The following PDE2A variants were observed in gnomAD, a reference collection of about 807,000 sequenced individuals.
PDE2A encodes phosphodiesterase 2A, also known as cGMP-dependent 3',5'-cyclic phosphodiesterase.
In PDE2A, 53 loss-of-function variants were observed where a neutral mutation model predicts 133.6. The observed-to-expected ratio is 0.40, with a 90% CI of 0.32 to 0.50. The LOEUF is 0.50. Ranked by LOEUF, PDE2A falls within the 20% of genes least tolerant of loss-of-function variation. The probability of loss-of-function intolerance (pLI) is 0.73; values close to 1 mark genes in which losing one functional copy is unlikely to be tolerated. For synonymous variants in PDE2A, 491 were observed against 490.2 expected, an observed-to-expected ratio of 1.00 and a Z score of -0.02; for missense variants, 796 against 1,232.4, an observed-to-expected ratio of 0.65 and a Z score of 5.30.
At chr11:72,626,429 C>T (rs1279796500) in intron 2 of PDE2A, among the ~76,000 whole-genome samples, 1 of 152,124 alleles carries the variant, frequency 6.6e-6, no homozygotes, top group Non-Finnish European at 1.5e-5. Flanking sequence ...GCAGCCACTC[C>T]CTTGGGGCCA....
At chr11:72,612,039 G>C (rs1424584321) in intron 2 of PDE2A, among the ~76,000 whole-genome samples, 1 of 152,154 alleles carries the variant, frequency 6.6e-6, no homozygotes, top group East Asian at 1.9e-4. Context: ...CAGATGGGGA[G>C]CAAGGCTCAA....
In PDE2A at chr11:72,577,489, G is replaced by A. The variant is rs1387811195; in HGVS notation, c.2721C>T (p.Leu907=). ...GGAAGTCCAGCGAGTTGTTACTTGG[G>A]AGGCCGCGGATGGTGAACTTGTGGG... The part of the protein sequence containing the change: ...KVSHKFTIRG[L]PSNNSLDFLD... The change falls in exon 31 of 31, where the codon CTC becomes CTT. Residue 907 remains leucine, a synonymous_variant. Coordinates refer to ENST00000334456, the MANE Select transcript of PDE2A (RefSeq NM_002599.5). 2.5e-6 allele frequency: 4 copies of A among 1,613,772 alleles called. No individual in the cohort carries two copies. The highest frequency in any genetic ancestry group is 2.2e-5 in the East Asian group (1 of 44,896).
chr11:72,662,256 C>T (rs936923606), intron 1 of PDE2A, among the ~76,000 whole-genome samples: 1 of 152,106 alleles, frequency 6.6e-6, no homozygotes, highest in African/African-American at 2.4e-5. Flanking sequence ...CTAATTAGCA[C>T]TGAAAATGAG....
intron 1 of PDE2A, among the ~76,000 whole-genome samples, chr11:72,650,768 C>T (rs1016773667): frequency 5.3e-5 from 8 of 152,110 alleles, no homozygotes; most frequent in African/African-American, 1.9e-4. Flanking sequence ...CAGACAGCTG[C>T]AGCCCTGAGG....
rs755383347 is a variant in PDE2A, at chr11:72,589,710, G to A, written c.873+41C>T. 2.5e-6 allele frequency: 4 copies of A among 1,596,190 alleles called. No homozygotes were observed. In the South Asian group the frequency reaches 3.3e-5, roughly 13 times the overall value. The stretch of plus-strand genomic sequence containing the variant: ...CAGGAGTGTCTACCCGGCCTCAACC[G>A]CCCCTGCAGACTCCAACGAGAAGAC... On this transcript the variant is annotated intron_variant, in intron 11 of 30. Coordinates refer to ENST00000334456, the MANE Select transcript of PDE2A (RefSeq NM_002599.5).
intron 6 of PDE2A, among the ~76,000 whole-genome samples, chr11:72,595,871 C>T (rs202075156): frequency 2.7e-4 from 41 of 152,280 alleles, no homozygotes; most frequent in East Asian, 1.7e-3. Context: ...ATCCCCTCCA[C>T]GGAGCAGAAA....
At chr11:72,608,849 A>G in intron 2 of PDE2A, 98 bp from the exon 3 acceptor site, 1 of 684,874 alleles carries the variant, frequency 1.5e-6, no homozygotes. Flanking sequence ...AGCTTAGTCC[A>G]GAGCCCGAGT....
chr11:72,588,697 G>A, intron 13 of PDE2A, 87 bp downstream of exon 13: 11 of 1,349,802 alleles, frequency 8.1e-6, no homozygotes, highest in Non-Finnish European at 1.1e-5. Flanking sequence ...CCCCTGCCCA[G>A]TACCCATCCC....
At chr11:72,598,414 A>C (rs977436887) in intron 4 of PDE2A, 3 of 894,352 alleles carry the variant, frequency 3.4e-6, no homozygotes, top group Non-Finnish European at 4.7e-6. Context: ...AAGGCAGGGG[A>C]GGTTGGTATG....
intron 2 of PDE2A, among the ~76,000 whole-genome samples, chr11:72,613,444 C>T (rs1330302430): frequency 6.6e-6 from 1 of 151,868 alleles, no homozygotes; most frequent in South Asian, 2.1e-4. Flanking sequence ...TCGGAGCCCT[C>T]TCATTCTCTG....
intron 2 of PDE2A, chr11:72,630,933 G>A (rs1185622429): frequency 7.7e-6 from 5 of 649,870 alleles, no homozygotes; most frequent in South Asian, 1.8e-5. Context: ...CTTGATATAG[G>A]GGTGGTCCTA....
chr11:72,600,607 G>A (rs922160758), intron 4 of PDE2A, among the ~76,000 whole-genome samples: 5 of 152,106 alleles, frequency 3.3e-5, no homozygotes, highest in African/African-American at 1.2e-4. Context: ...CCACCCACAT[G>A]GGAGCGGGAG....
chr11:72,583,860 C>T (rs937241621), intron 19 of PDE2A, among the ~76,000 whole-genome samples: 1 of 151,822 alleles, frequency 6.6e-6, no homozygotes, highest in Non-Finnish European at 1.5e-5. Context: ...CAGGCCAGAG[C>T]GCCAGTAGGC....
rs1299640177 is a variant in PDE2A at position 72,590,040 on chromosome 11, C to T, written c.757-59G>A. 1.0e-5 allele frequency: 15 copies of T among 1,474,446 alleles called. No individual in the cohort carries two copies. Among genetic ancestry groups the T allele is most frequent in the Admixed American group, 1.9e-5 (1 of 51,430 alleles). 91.3% of individuals were successfully genotyped at this position (1,474,446 alleles called of 1,614,324 possible). On this transcript the variant is annotated intron_variant, in intron 9 of 30. Coordinates refer to ENST00000334456, the MANE Select transcript of PDE2A (RefSeq NM_002599.5). The surrounding 1 kb of genome is among the most constrained non-coding windows in gnomAD (Gnocchi z 4.8). ...CGCGGATCCGGGTCACCCCACTCCC[C>T]ACCTGCTCCCCTCTCCGGGGCTCTT...
intron 2 of PDE2A, among the ~76,000 whole-genome samples, chr11:72,616,763 C>T (rs1406516817): frequency 1.3e-5 from 2 of 152,202 alleles, no homozygotes; most frequent in Non-Finnish European, 2.9e-5. Flanking sequence ...ACGTGCAGAC[C>T]GGGTGGGGGC....
chr11:72,644,118 G>A (rs1859063075), intron 1 of PDE2A, among the ~76,000 whole-genome samples: 1 of 152,020 alleles, frequency 6.6e-6, no homozygotes, highest in Non-Finnish European at 1.5e-5. Context: ...CTTCCCTCCT[G>A]CCTGTCATTT....
intron 2 of PDE2A, among the ~76,000 whole-genome samples, chr11:72,616,282 C>T (rs1591075968): frequency 6.6e-6 from 1 of 152,326 alleles, no homozygotes; most frequent in African/African-American, 2.4e-5. Flanking sequence ...GTTCTCTCTC[C>T]AGGCAAGTCT....
Position 72,590,017 on chromosome 11 carries a change from C to A in PDE2A, c.757-36G>T, listed in dbSNP as rs768552523. On this transcript the variant is annotated intron_variant, in intron 9 of 30. Transcript: ENST00000334456. The surrounding 1 kb of genome is among the most constrained non-coding windows in gnomAD (Gnocchi z 4.8). ...GACAGGCAGGGCGAGGGGGTGACCG[C>A]GGATCCGGGTCACCCCACTCCCCAC... 6.4e-7 allele frequency: 1 copy of A among 1,572,446 alleles called. No individual in the cohort carries two copies. The highest frequency in any genetic ancestry group is 1.3e-5 in the African/African-American group (1 of 74,220).
chr11:72,636,713 T>A (rs1043448669), intron 2 of PDE2A, among the ~76,000 whole-genome samples: 7 of 152,102 alleles, frequency 4.6e-5, no homozygotes, highest in Admixed American at 4.6e-4. Flanking sequence ...CCACCAGCCC[T>A]GGCCACTCCG....
Sources: gnomAD v4.1 joint callset for allele counts (sites outside exome capture counted in the v4.1 genomes callset) on GRCh38, gnomAD v4.1.1 for gene constraint, Gnocchi (gnomAD v3.1) non-coding constraint, MANE v1.5 for transcripts, NCBI Gene and HGNC (gene_info 2026-07-23, HGNC 2026-07-21) for gene names.